Variants in ATOH8 observed in about 807,000 individuals in gnomAD.
ATOH8 encodes atonal bHLH transcription factor 8.
ATOH8 carries 9 observed loss-of-function variants against 21.2 expected under a neutral mutation model. The observed-to-expected ratio is 0.42, with a 90% confidence interval of 0.26 to 0.74. The LOEUF (loss-of-function observed/expected upper bound fraction) is 0.74. Among genes scored for constraint, ATOH8 ranks in the 30% least tolerant of loss-of-function variants. The pLI is 0.24. For missense variants in ATOH8, 524 were observed against 470.9 expected, an observed-to-expected ratio of 1.11 and a Z score of -1.04; for synonymous variants, 253 against 224.0, an observed-to-expected ratio of 1.13 and a Z score of -1.16.
In ATOH8 at chr2:85,788,674, C is replaced by T. The variant is rs115409153; in HGVS notation, c.*1784C>T. On this transcript the variant is annotated 3_prime_UTR_variant, in exon 3 of 3. Transcript: ENST00000306279. ...AAGGGGGATAGGAGGGGACCGGAGG[C>T]TGCAGCCATACAGGACACAGTTTGT... Among the ~76,000 whole-genome samples the T allele has an allele frequency of 1.6e-3, 239 of 152,342 alleles. No homozygotes were observed. Among genetic ancestry groups the T allele is most frequent in the African/African-American group, 5.5e-3 (227 of 41,578 alleles).
At chr2:85,780,942 G>A (rs1680470179) in intron 2 of ATOH8, 2 of 987,160 alleles carry the variant, frequency 2.0e-6, no homozygotes, top group Admixed American at 6.1e-5. Context: ...GCTGGAGGCC[G>A]ACTGGTCCAT....
At chr2:85,759,673 G>C (rs1181611053) in intron 1 of ATOH8, among the ~76,000 whole-genome samples, 1 of 152,116 alleles carries the variant, frequency 6.6e-6, no homozygotes, top group East Asian at 1.9e-4. Context: ...GTGGATTCAC[G>C]TCGGGAGTCC....
rs111871657 is a variant in ATOH8, at chr2:85,755,898, GT to G, written c.768+951del. On this transcript the variant is annotated intron_variant, in intron 1 of 2. Coordinates refer to ENST00000306279, the MANE Select transcript of ATOH8 (RefSeq NM_032827.7). ...GGTAGATGTGGCTGGTTTGAAGGGT[GT>G]TTTTTTTTTCTTTTTATTTGCATAC... 4.2e-3 allele frequency among the ~76,000 whole-genome samples: 630 copies of G among 149,158 alleles called. 6 individuals are homozygous for G. Among genetic ancestry groups the G allele is most frequent in the African/African-American group, 0.013 (536 of 40,696 alleles).
intron 2 of ATOH8, among the ~76,000 whole-genome samples, chr2:85,769,067 G>A (rs577068568): frequency 3.3e-5 from 5 of 152,228 alleles, no homozygotes; most frequent in Non-Finnish European, 7.3e-5. Context: ...AGGGGAAAGA[G>A]GAAGACAAGG....
chr2:85,778,301 C>T (rs978339117), intron 2 of ATOH8, among the ~76,000 whole-genome samples: 3 of 141,390 alleles, frequency 2.1e-5, no homozygotes, highest in Non-Finnish European at 3.1e-5. Flanking sequence ...CACGTGCATA[C>T]GTGTGTGTGT....
chr2:85,764,625 A>G (rs1679957566), intron 2 of ATOH8, among the ~76,000 whole-genome samples: 4 of 152,278 alleles, frequency 2.6e-5, no homozygotes, highest in Middle Eastern at 3.4e-3. Context: ...ATCTGAGGCT[A>G]TGCATTAAGG....
intron 2 of ATOH8, among the ~76,000 whole-genome samples, chr2:85,765,763 G>A (rs4832197): frequency 0.45 from 69,020 of 152,030 alleles, 16,500 homozygotes; most frequent in Non-Finnish European, 0.5. Flanking sequence ...GCCTTCCCGG[G>A]TTCTTTGAAT....
chr2:85,759,234 A>C (rs1679797760), intron 1 of ATOH8, among the ~76,000 whole-genome samples: 1 of 152,164 alleles, frequency 6.6e-6, no homozygotes, highest in Admixed American at 6.5e-5. Flanking sequence ...GGGCATAGGG[A>C]GTGCAAAGCA....
intron 2 of ATOH8, among the ~76,000 whole-genome samples, chr2:85,768,009 T>C (rs1364710707): frequency 6.6e-6 from 1 of 152,222 alleles, no homozygotes; most frequent in Non-Finnish European, 1.5e-5. Context: ...GCCACCACCC[T>C]GGGGCTTGCC....
intron 2 of ATOH8, among the ~76,000 whole-genome samples, chr2:85,778,180 C>G (rs1258329584): frequency 6.6e-6 from 1 of 152,240 alleles, no homozygotes; most frequent in Non-Finnish European, 1.5e-5. Flanking sequence ...GCATCTTGCT[C>G]AAGGCCATGC....
At chr2:85,773,124 G>T (rs1222956445) in intron 2 of ATOH8, 1 of 328,780 alleles carries the variant, frequency 3.0e-6, no homozygotes, top group African/African-American at 2.2e-5. Flanking sequence ...CGAGAACAAT[G>T]TCTCCTCAGA....
chr2:85,757,501 C>T (rs1298778675), intron 1 of ATOH8, among the ~76,000 whole-genome samples: 4 of 152,242 alleles, frequency 2.6e-5, no homozygotes, highest in East Asian at 1.9e-4. Context: ...GCCAGTGTGG[C>T]ACTGAGATGG....
In ATOH8 at chr2:85,754,715, G is replaced by A. The variant is rs765432576; in HGVS notation, c.526G>A (p.Glu176Lys). Residue 176 changes from glutamate (E) to lysine (K), a missense_variant, in exon 1 of 3, where the codon GAG becomes AAG. Glu to Lys is a moderately conservative substitution (Grantham distance 56). Transcript: ENST00000306279. Reference protein sequence around the residue: ...SAPPAPPAPPESTVRPAPPTR... With the variant: ...SAPPAPPAPPKSTVRPAPPTR... The stretch of plus-strand genomic sequence containing the variant: ...ACCCCCAGCACCGCCAGCGCCCCCG[G>A]AGTCCACTGTGCGCCCTGCGCCCCC... 8 of 1,611,344 alleles carry A rather than the reference G, an allele frequency of 5.0e-6. No individual in the cohort carries two copies. The highest frequency in any genetic ancestry group is 5.9e-6 in the Non-Finnish European group (7 of 1,179,272).
intron 2 of ATOH8, chr2:85,780,859 T>G (rs968063432): frequency 1.0e-6 from 1 of 984,660 alleles, no homozygotes; most frequent in African/African-American, 1.7e-5. Context: ...CCCCCGCAAA[T>G]AGCAGCCAAT....
At chr2:85,760,432 C>T (rs1017951070) in intron 1 of ATOH8, among the ~76,000 whole-genome samples, 1 of 152,092 alleles carries the variant, frequency 6.6e-6, no homozygotes, top group Admixed American at 6.5e-5. Context: ...GCCCAGAACT[C>T]TCCATCCCGA....
Position 85,790,229 on chromosome 2 carries a change from A to G in ATOH8, c.*3339A>G, listed in dbSNP as rs1265651515. ...TTGTCTGCTCTGGGTCACCAGGCAC[A>G]GGCCATAAAGGGATGAGGGGGCCCT... On this transcript the variant is annotated 3_prime_UTR_variant, in exon 3 of 3. Transcript: ENST00000306279. Among the ~76,000 whole-genome samples the G allele has an allele frequency of 6.6e-6, 1 of 152,206 alleles. No homozygotes were observed. The highest frequency in any genetic ancestry group is 1.5e-5 in the Non-Finnish European group (1 of 68,038).
intron 1 of ATOH8, among the ~76,000 whole-genome samples, chr2:85,762,023 G>A (rs1231721546): frequency 7.1e-6 from 1 of 141,576 alleles, no homozygotes; most frequent in East Asian, 2.1e-4. Context: ...TGGAGGGTAG[G>A]GCAGGCACGT....
Position 85,787,214 on chromosome 2 carries a change from A to G in ATOH8, c.*324A>G, listed in dbSNP as rs1451450553. On this transcript the variant is annotated 3_prime_UTR_variant, in exon 3 of 3. Transcript: ENST00000306279. ...AGATTGGACAGAGACACCGAAGGAAATGGGGTGGTGAAACCCCACAGCGAA... is the reference window on the plus strand; with the variant it reads ...AGATTGGACAGAGACACCGAAGGAAGTGGGGTGGTGAAACCCCACAGCGAA... 1.3e-5 allele frequency: 5 copies of G among 391,380 alleles called. No homozygotes were observed. Among genetic ancestry groups the G allele is most frequent in the Non-Finnish European group, 2.3e-5 (5 of 217,002 alleles). 24.2% of individuals were successfully genotyped at this position (391,380 alleles called of 1,614,324 possible).
Position 85,762,488 on chromosome 2 carries a change from G to A in ATOH8, c.769-1503G>A, listed in dbSNP as rs116815975. Among the ~76,000 whole-genome samples, 1,457 of 152,296 alleles carry A rather than the reference G, an allele frequency of 9.6e-3. 28 individuals are homozygous for A. The highest frequency in any genetic ancestry group is 0.033 in the African/African-American group (1,383 of 41,556). On this transcript the variant is annotated intron_variant, in intron 1 of 2. Coordinates refer to ENST00000306279, the MANE Select transcript of ATOH8 (RefSeq NM_032827.7). ...ATGGGCAGGACCTGTGCTAGGCACTGCAGACATAGGCCTTCCCCCCACAGT... is the reference window on the plus strand; with the variant it reads ...ATGGGCAGGACCTGTGCTAGGCACTACAGACATAGGCCTTCCCCCCACAGT...
Sources: gnomAD v4.1 joint callset for allele counts (sites outside exome capture counted in the v4.1 genomes callset) on GRCh38, gnomAD v4.1.1 for gene constraint, MANE v1.5 for transcripts, NCBI Gene and HGNC (gene_info 2026-07-23, HGNC 2026-07-21) for gene names.